The following STK33 variants were observed in gnomAD, a reference collection of about 807,000 sequenced individuals.
STK33 encodes the protein serine/threonine-protein kinase 33.
STK33 carries 52 observed loss-of-function variants against 58.0 expected under a neutral mutation model. The ratio of observed to expected loss-of-function variants is 0.90; its 90% CI spans 0.72 to 1.13. The LOEUF is 1.13. Ranked by LOEUF, STK33 falls within the 50% of genes most tolerant of loss-of-function variation. The pLI is 0.00. For synonymous variants in STK33, 215 were observed against 200.1 expected (o/e 1.07, Z -0.63); for missense variants, 630 against 604.2 (o/e 1.04, Z -0.45).
Position 8,521,507 on chromosome 11 carries a change from TAAAACCA to T in STK33, c.-465-40900_-465-40894del, listed in dbSNP as rs1953431959. Reference sequence around the variant, plus strand: ...GGAGTAAAGACTTAAATGTTAGACCTAAAACCATAAAAACCCTAGAAGAAAACCTAGC... The same window carrying T: ...GGAGTAAAGACTTAAATGTTAGACCTTAAAAACCCTAGAAGAAAACCTAGC... On this transcript the variant is annotated intron_variant, in intron 1 of 15. Transcript: ENST00000687296. Among the ~76,000 whole-genome samples, 4 of 152,208 alleles carry T rather than the reference TAAAACCA, an allele frequency of 2.6e-5. No homozygotes were observed. The South Asian group carries it at 8.3e-4, about 32-fold the overall frequency.
chr11:8,484,183 C>T (rs1358438862), intron 1 of STK33, among the ~76,000 whole-genome samples: 1 of 151,920 alleles, frequency 6.6e-6, no homozygotes, highest in Non-Finnish European at 1.5e-5. Context: ...GTTGTCTCAG[C>T]CCCCACATAT....
At chr11:8,473,532 T>C (rs906898348) in intron 5 of STK33, among the ~76,000 whole-genome samples, 1 of 152,146 alleles carries the variant, frequency 6.6e-6, no homozygotes. Flanking sequence ...GCATAGCAGA[T>C]TCATCAAAGC....
chr11:8,540,204 G>A (rs1955395923), intron 1 of STK33, among the ~76,000 whole-genome samples: 1 of 152,082 alleles, frequency 6.6e-6, no homozygotes, highest in Non-Finnish European at 1.5e-5. Flanking sequence ...CTGTTGGCCA[G>A]GTGTGGTAGC....
chr11:8,407,150 T>C (rs1042954425), intron 15 of STK33, among the ~76,000 whole-genome samples: 1 of 152,148 alleles, frequency 6.6e-6, no homozygotes, highest in African/African-American at 2.4e-5. Context: ...TTATGTTGTT[T>C]GATTTTTGGA....
intron 15 of STK33, among the ~76,000 whole-genome samples, chr11:8,395,325 C>A (rs1282266691): frequency 6.6e-6 from 1 of 152,162 alleles, no homozygotes; most frequent in Admixed American, 6.5e-5. Flanking sequence ...TTATAAAGGG[C>A]AGTTCCCCTG....
At chr11:8,380,083 T>C in the STK33 span, among the ~76,000 whole-genome samples, 2 of 152,242 alleles carry the variant, frequency 1.3e-5, no homozygotes, top group Non-Finnish European at 2.9e-5. Context: ...AATCCTGCAA[T>C]GAACATACAC....
At chr11:8,589,449 C>T (rs1247359949) in intron 1 of STK33, among the ~76,000 whole-genome samples, 1 of 152,072 alleles carries the variant, frequency 6.6e-6, no homozygotes, top group Admixed American at 6.6e-5. Flanking sequence ...ATAAAATTTC[C>T]ATAACAGGCA....
intron 1 of STK33, among the ~76,000 whole-genome samples, chr11:8,528,003 C>T (rs905846052): frequency 7.9e-5 from 12 of 152,152 alleles, no homozygotes; most frequent in Non-Finnish European, 1.3e-4. Context: ...TGTTTACCTA[C>T]AGGGAGAGAA....
intron 1 of STK33, among the ~76,000 whole-genome samples, chr11:8,570,527 C>A (rs1490715219): frequency 6.6e-6 from 1 of 152,184 alleles, no homozygotes; most frequent in Non-Finnish European, 1.5e-5. Flanking sequence ...TGTCCAACAA[C>A]ATGTGAATGG....
intron 1 of STK33, among the ~76,000 whole-genome samples, chr11:8,525,089 G>A (rs891179831): frequency 7.2e-5 from 11 of 152,006 alleles, no homozygotes; most frequent in South Asian, 2.1e-4. Flanking sequence ...ACTGTAAAGC[G>A]TTTTGAATAA....
At chr11:8,485,190 G>C (rs185937918) in intron 1 of STK33, among the ~76,000 whole-genome samples, 1 of 152,218 alleles carries the variant, frequency 6.6e-6, no homozygotes, top group Admixed American at 6.5e-5. Context: ...AATAATTTGG[G>C]AAGTAGAGGT....
the STK33 span, among the ~76,000 whole-genome samples, chr11:8,368,596 G>A: frequency 6.6e-6 from 1 of 152,210 alleles, no homozygotes; most frequent in East Asian, 1.9e-4. Context: ...AGTCATTTCC[G>A]GGTGTTTATA....
intron 1 of STK33, among the ~76,000 whole-genome samples, chr11:8,585,136 T>G (rs1255229304): frequency 6.6e-6 from 1 of 151,604 alleles, no homozygotes; most frequent in Admixed American, 6.6e-5. Flanking sequence ...TTGGCCAGGC[T>G]GGTCTCAAAC....
At chr11:8,365,720 T>C in the STK33 span, among the ~76,000 whole-genome samples, 1 of 152,088 alleles carries the variant, frequency 6.6e-6, no homozygotes, top group Admixed American at 6.5e-5. Flanking sequence ...AGAGGACAGG[T>C]AGGAGGAAGT....
chr11:8,556,369 G>A (rs1357517345), intron 1 of STK33, among the ~76,000 whole-genome samples: 2 of 152,140 alleles, frequency 1.3e-5, no homozygotes, highest in Non-Finnish European at 2.9e-5. Flanking sequence ...AGGAATTCAG[G>A]AATTCATTTA....
At chr11:8,464,114 T>G (rs1947885433) in intron 7 of STK33, among the ~76,000 whole-genome samples, 2 of 152,176 alleles carry the variant, frequency 1.3e-5, no homozygotes, top group South Asian at 4.1e-4. Context: ...TGAAAAAGGT[T>G]GATGAAATGA....
At chr11:8,436,280 G>A (rs1037713060) in intron 12 of STK33, 141 bp from the exon 13 acceptor site, 9 of 460,994 alleles carry the variant, frequency 2.0e-5, no homozygotes, top group Admixed American at 3.8e-5. Flanking sequence ...CTCCCTGGAA[G>A]TAAAAATGGA....
chr11:8,543,267 G>T (rs916852803), intron 1 of STK33, among the ~76,000 whole-genome samples: 1 of 152,170 alleles, frequency 6.6e-6, no homozygotes, highest in African/African-American at 2.4e-5. Context: ...CATTTCAAAT[G>T]TCTTCAGTGA....
At chr11:8,391,248 G>A (rs1357712300), downstream of STK33, among the ~76,000 whole-genome samples, 1 of 152,194 alleles carries the variant, frequency 6.6e-6, no homozygotes, top group African/African-American at 2.4e-5. Flanking sequence ...CAAGAAGGGA[G>A]AAAGATCTTG....
Sources: gnomAD v4.1 joint callset for allele counts (sites outside exome capture counted in the v4.1 genomes callset) on GRCh38, gnomAD v4.1.1 for gene constraint, MANE v1.5 for transcripts, NCBI Gene and HGNC (gene_info 2026-07-23, HGNC 2026-07-21) for gene names.